The following STK32B variants were observed in gnomAD, a reference collection of about 807,000 sequenced individuals.
The protein encoded by STK32B is serine/threonine kinase 32B.
In STK32B, 43 loss-of-function variants were observed where a neutral mutation model predicts 52.6. The ratio of observed to expected loss-of-function variants is 0.82; its 90% confidence interval spans 0.64 to 1.05. The LOEUF (loss-of-function observed/expected upper bound fraction) is 1.05, where lower values mean the gene tolerates loss of function less well. Ranked by LOEUF, STK32B falls within the 50% of genes least tolerant of loss-of-function variation. STK32B has a pLI of 0.00. For synonymous variants in STK32B, 238 were observed against 204.3 expected (o/e 1.17, Z -1.41); for missense variants, 621 against 534.6 (o/e 1.16, Z -1.59).
rs571454788 is a variant in STK32B, at chr4:5,460,534, A to T, written c.909+306A>T. Among the ~76,000 whole-genome samples, 4 of 152,250 alleles carry T rather than the reference A, an allele frequency of 2.6e-5. No homozygotes were observed. Among genetic ancestry groups the T allele is most frequent in the African/African-American group, 9.6e-5 (4 of 41,548 alleles). ...CAGGCTGATCTACCCTTCTGCCTCC[A>T]CAGAGCTGACTGCCGAGTAGAGGAA... On this transcript the variant is annotated intron_variant, in intron 9 of 11. Transcript: ENST00000282908. The surrounding 1 kb of genome is among the most constrained non-coding windows in gnomAD (Gnocchi z 4.8).
At chr4:5,075,060 C>G (rs1712000978) in intron 1 of STK32B, among the ~76,000 whole-genome samples, 1 of 152,162 alleles carries the variant, frequency 6.6e-6, no homozygotes, top group African/African-American at 2.4e-5. Context: ...ATGCCCATTT[C>G]AAGAGACCAC....
At chr4:5,244,634 G>C (rs546416979) in intron 3 of STK32B, among the ~76,000 whole-genome samples, 2 of 152,172 alleles carry the variant, frequency 1.3e-5, no homozygotes, top group Admixed American at 6.5e-5. Context: ...GAATGTGTTT[G>C]CTCTTGCTTC....
the STK32B span, among the ~76,000 whole-genome samples, chr4:5,025,797 C>A: frequency 1.7e-4 from 26 of 152,318 alleles, no homozygotes; most frequent in African/African-American, 5.8e-4. Context: ...ACAGAGGAGT[C>A]CCCTCTAAAC....
At chr4:5,295,062 G>A (rs559623797) in intron 3 of STK32B, among the ~76,000 whole-genome samples, 87 of 152,198 alleles carry the variant, frequency 5.7e-4, no homozygotes, top group African/African-American at 2.0e-3. Flanking sequence ...CTATGTTTAT[G>A]TGATGGATTA....
Position 5,123,310 on chromosome 4 carries a change from A to G in STK32B, c.53-16595A>G, listed in dbSNP as rs535402599. 2.0e-4 allele frequency among the ~76,000 whole-genome samples: 30 copies of G among 152,174 alleles called. 1 individual carries two copies. The highest frequency in any genetic ancestry group is 6.8e-3 in the Middle Eastern group (2 of 294). ...GGATCCTACATGCCTCCCGGCTGCTATCTCTGCACCCGGCTTCATCTTCCT... is the reference window on the plus strand; with the variant it reads ...GGATCCTACATGCCTCCCGGCTGCTGTCTCTGCACCCGGCTTCATCTTCCT... On this transcript the variant is annotated intron_variant, in intron 1 of 11. Coordinates refer to ENST00000282908, the MANE Select transcript of STK32B (RefSeq NM_018401.3).
intron 3 of STK32B, among the ~76,000 whole-genome samples, chr4:5,291,459 C>T (rs143546645): frequency 1.9e-3 from 283 of 152,124 alleles, no homozygotes; most frequent in African/African-American, 6.3e-3. Context: ...TCAGATTATT[C>T]ATTCCTAGTG....
chr4:5,121,131 T>G (rs1027715303), intron 1 of STK32B, among the ~76,000 whole-genome samples: 3 of 152,166 alleles, frequency 2.0e-5, no homozygotes, highest in African/African-American at 7.2e-5. Flanking sequence ...CTTAGGACTT[T>G]GCATCCTCAG....
At chr4:5,381,823 T>G (rs764918135) in intron 4 of STK32B, among the ~76,000 whole-genome samples, 3 of 152,076 alleles carry the variant, frequency 2.0e-5, no homozygotes, top group African/African-American at 4.8e-5. Flanking sequence ...ACTAGTTGAG[T>G]GTGGTAGTCA....
chr4:5,327,178 T>A (rs1162586231), intron 3 of STK32B, among the ~76,000 whole-genome samples: 1 of 151,888 alleles, frequency 6.6e-6, no homozygotes, highest in Non-Finnish European at 1.5e-5. Flanking sequence ...TTTTACCACG[T>A]CTGCAGTTCC....
chr4:5,040,108 C>T, the STK32B span, among the ~76,000 whole-genome samples: 8 of 152,292 alleles, frequency 5.3e-5, no homozygotes, highest in South Asian at 1.7e-3. Context: ...TGTCATTTCT[C>T]ACATCCTGTT....
chr4:5,481,666 A>C lies in STK32B; in HGVS notation c.1106+13596A>C, dbSNP rs568802778. On this transcript the variant is annotated intron_variant, in intron 11 of 11. Transcript: ENST00000282908. ...AGACATGAAGTCCTTGCCCATGCCT[A>C]TGTCCTGAATGGTATTGCCTAGTTT... Among the ~76,000 whole-genome samples, 481 of 152,276 alleles carry C rather than the reference A, an allele frequency of 3.2e-3. 1 individual carries two copies. Among genetic ancestry groups the C allele is most frequent in the African/African-American group, 0.011 (471 of 41,538 alleles).
At position 5,371,075 on chromosome 4, in the gene STK32B, T is replaced by A. The variant is rs1160136678; in HGVS notation, c.435-27132T>A. Among the ~76,000 whole-genome samples the A allele has an allele frequency of 4.6e-5, 7 of 151,872 alleles. No homozygotes were observed. In the South Asian group the frequency reaches 1.5e-3, roughly 32 times the overall value. On this transcript the variant is annotated intron_variant, in intron 4 of 11. Coordinates refer to ENST00000282908, the MANE Select transcript of STK32B (RefSeq NM_018401.3). ...GTGTGTGTATATATTCTAACACTTG[T>A]TAAAATGGTAGGGAAGACTTTATTC... is the stretch of plus-strand genomic sequence containing the variant.
chr4:5,126,454 T>C (rs1715369640), intron 1 of STK32B, among the ~76,000 whole-genome samples: 1 of 152,222 alleles, frequency 6.6e-6, no homozygotes, highest in Admixed American at 6.5e-5. Flanking sequence ...GGTTGTCAGA[T>C]AGTCTAGGGT....
intron 1 of STK32B, among the ~76,000 whole-genome samples, chr4:5,062,629 C>T (rs1035027643): frequency 2.6e-5 from 4 of 152,128 alleles, no homozygotes; most frequent in Non-Finnish European, 4.4e-5. Context: ...CTGCCTCAGC[C>T]TCCCAAGTAG....
intron 1 of STK32B, among the ~76,000 whole-genome samples, chr4:5,057,901 A>T (rs901789193): frequency 6.6e-6 from 1 of 152,226 alleles, no homozygotes; most frequent in Non-Finnish European, 1.5e-5. Flanking sequence ...AACAGTGAGG[A>T]CACATAGTTT....
chr4:5,369,576 G>T (rs971234435), intron 4 of STK32B, among the ~76,000 whole-genome samples: 2 of 152,124 alleles, frequency 1.3e-5, no homozygotes, highest in African/African-American at 4.8e-5. Flanking sequence ...GCTTCAGAAG[G>T]TGGGCGTCCT....
intron 5 of STK32B, among the ~76,000 whole-genome samples, chr4:5,408,647 C>T (rs1737833364): frequency 1.3e-5 from 2 of 152,248 alleles, no homozygotes; most frequent in South Asian, 4.2e-4. Context: ...GCTGCTAACA[C>T]TAGGTCCGAT....
intron 3 of STK32B, among the ~76,000 whole-genome samples, chr4:5,239,821 T>G (rs911584416): frequency 1.3e-5 from 2 of 152,082 alleles, no homozygotes; most frequent in Admixed American, 6.6e-5. Flanking sequence ...GTCTCCAACT[T>G]CATCTGCCAA....
chr4:5,323,525 G>A (rs2108942387), intron 3 of STK32B, among the ~76,000 whole-genome samples: 1 of 152,290 alleles, frequency 6.6e-6, no homozygotes, highest in African/African-American at 2.4e-5. Flanking sequence ...TGGTCTCTGT[G>A]ACAAGAAGAG....
Sources: allele counts gnomAD v4.1 joint callset (sites outside exome capture counted in the v4.1 genomes callset), GRCh38; gene constraint gnomAD v4.1.1; non-coding constraint Gnocchi (gnomAD v3.1); transcripts MANE v1.5; gene names NCBI Gene and HGNC (gene_info 2026-07-23, HGNC 2026-07-21).